The following OPCML variants were observed in gnomAD, a reference collection of about 807,000 sequenced individuals.
OPCML encodes the protein opioid-binding protein/cell adhesion molecule.
A neutral mutation model predicts 37.8 loss-of-function variants in OPCML; 13 were observed. That is an observed-to-expected ratio of 0.34 (90% CI 0.22 to 0.55). OPCML has a LOEUF of 0.55. OPCML is among the 20% of genes least tolerant of loss of function. The pLI is 0.91. For missense variants in OPCML, 341 were observed against 435.6 expected, an observed-to-expected ratio of 0.78 and a Z score of 1.93; for synonymous variants, 176 against 168.8, an observed-to-expected ratio of 1.04 and a Z score of -0.33.
intron 4 of OPCML, among the ~76,000 whole-genome samples, chr11:132,445,072 C>A (rs1400032705): frequency 6.6e-6 from 1 of 152,216 alleles, no homozygotes; most frequent in Non-Finnish European, 1.5e-5. Context: ...GCCACCAGGA[C>A]CTCCTCTGCG....
At position 132,416,077 on chromosome 11, in the gene OPCML, A is replaced by C. The variant is rs1313571435; in HGVS notation, c.*4116T>G. The C allele has an allele frequency of 2.0e-5, 3 of 152,554 alleles. No individual in the cohort carries two copies. Among genetic ancestry groups the C allele is most frequent in the Non-Finnish European group, 4.4e-5 (3 of 68,050 alleles). The allele number at this position is 152,554 out of a possible 1,614,324, so 9.5% of individuals were successfully genotyped here. ...GTTTCCAAGATAAGGTCACGTGCAAAATGAAAACAAAAGATTCTTGCTGTT... is the reference window on the plus strand; with the variant it reads ...GTTTCCAAGATAAGGTCACGTGCAACATGAAAACAAAAGATTCTTGCTGTT... On this transcript the variant is annotated 3_prime_UTR_variant, in exon 8 of 8. Transcript: ENST00000524381.
chr11:133,273,560 G>A (rs2136487250), intron 1 of OPCML, among the ~76,000 whole-genome samples: 1 of 151,462 alleles, frequency 6.6e-6, no homozygotes, highest in Admixed American at 6.6e-5. Flanking sequence ...GGAGACAGAA[G>A]CTTTTTTTTT....
chr11:132,638,186 T>TATATATATAGAGAGAG (rs71067383), intron 3 of OPCML, among the ~76,000 whole-genome samples: 3 of 131,020 alleles, frequency 2.3e-5, no homozygotes, highest in African/African-American at 8.3e-5. Flanking sequence ...TATATATATA[T>TATATATATAGAGAGAG]ACAGAGAGAG....
chr11:132,441,170 T>G (rs1320189726), intron 4 of OPCML, among the ~76,000 whole-genome samples: 66 of 113,546 alleles, frequency 5.8e-4, no homozygotes, highest in Admixed American at 1.6e-3. Flanking sequence ...TTTTTGTTTT[T>G]TTTTTTTTTT....
intron 4 of OPCML, among the ~76,000 whole-genome samples, chr11:132,503,026 A>T (rs1402854998): frequency 1.3e-5 from 2 of 152,216 alleles, no homozygotes; most frequent in Non-Finnish European, 2.9e-5. Context: ...CAAAAATGGT[A>T]GGTGACTTAT....
chr11:132,649,826 G>A (rs1463778972), intron 3 of OPCML, among the ~76,000 whole-genome samples: 1 of 152,020 alleles, frequency 6.6e-6, no homozygotes, highest in Non-Finnish European at 1.5e-5. Flanking sequence ...TTGTTGTGAG[G>A]AGAAATATGT....
chr11:132,565,922 A>G (rs1215838038), intron 3 of OPCML, among the ~76,000 whole-genome samples: 1 of 152,156 alleles, frequency 6.6e-6, no homozygotes. Context: ...AGTCCCAGCT[A>G]CTCGAGAGAC....
chr11:132,715,395 G>C (rs914218303), intron 2 of OPCML, among the ~76,000 whole-genome samples: 1 of 152,156 alleles, frequency 6.6e-6, no homozygotes, highest in African/African-American at 2.4e-5. Flanking sequence ...CTCTGAAACT[G>C]GGGAAATTTG....
chr11:132,587,509 C>T (rs544081487), intron 3 of OPCML, among the ~76,000 whole-genome samples: 21 of 152,286 alleles, frequency 1.4e-4, no homozygotes, highest in Admixed American at 2.0e-4. Flanking sequence ...TGCAAATGTG[C>T]CTCTCCCCCA....
chr11:132,586,806 T>A (rs1240923492), intron 3 of OPCML, among the ~76,000 whole-genome samples: 1 of 152,204 alleles, frequency 6.6e-6, no homozygotes, highest in South Asian at 2.1e-4. Context: ...CAGAGGTGTA[T>A]GATATCATGA....
chr11:132,532,651 C>T (rs759115998), intron 3 of OPCML, among the ~76,000 whole-genome samples: 4 of 152,068 alleles, frequency 2.6e-5, no homozygotes, highest in Non-Finnish European at 2.9e-5. Context: ...CATCCAGAAG[C>T]GTTCATGCAT....
intron 2 of OPCML, among the ~76,000 whole-genome samples, chr11:132,698,619 A>G (rs1943692991): frequency 6.6e-6 from 1 of 152,020 alleles, no homozygotes; most frequent in African/African-American, 2.4e-5. Context: ...TATTTGCTGT[A>G]TATGTCTTTT....
intron 1 of OPCML, among the ~76,000 whole-genome samples, chr11:133,199,596 T>A (rs1437736493): frequency 6.6e-6 from 1 of 152,122 alleles, no homozygotes; most frequent in Non-Finnish European, 1.5e-5. Flanking sequence ...TGTTAAGAAG[T>A]CTTGGTTCCA....
intron 2 of OPCML, among the ~76,000 whole-genome samples, chr11:132,715,556 TG>T (rs923229697): frequency 6.6e-6 from 1 of 152,010 alleles, no homozygotes; most frequent in African/African-American, 2.4e-5. Flanking sequence ...TTGGGAGGCA[TG>T]GGGGTGGGGT....
intron 3 of OPCML, among the ~76,000 whole-genome samples, chr11:132,638,428 C>A (rs149908597): frequency 1.3e-5 from 2 of 152,130 alleles, no homozygotes; most frequent in Admixed American, 1.3e-4. Flanking sequence ...GCAAGGATGA[C>A]AATAGCCTTT....
At chr11:132,525,064 C>A (rs1192505784) in intron 4 of OPCML, among the ~76,000 whole-genome samples, 1 of 152,192 alleles carries the variant, frequency 6.6e-6, no homozygotes, top group Non-Finnish European at 1.5e-5. Context: ...CTGAAACCTT[C>A]ACTCTTCAAC....
intron 2 of OPCML, among the ~76,000 whole-genome samples, chr11:132,685,825 G>A (rs541871408): frequency 1.5e-4 from 23 of 152,280 alleles, no homozygotes; most frequent in African/African-American, 5.3e-4. Context: ...ACAGGTCATC[G>A]AAATGGGAGG....
chr11:133,436,188 A>T (rs907228712), intron 1 of OPCML, among the ~76,000 whole-genome samples: 1 of 152,202 alleles, frequency 6.6e-6, no homozygotes, highest in Non-Finnish European at 1.5e-5. Context: ...ACAACAAAAT[A>T]CTATTTTGCT....
At chr11:133,108,164 A>C (rs936112682) in intron 1 of OPCML, among the ~76,000 whole-genome samples, 5 of 152,196 alleles carry the variant, frequency 3.3e-5, no homozygotes, top group African/African-American at 1.2e-4. Context: ...TTTCTTTTTT[A>C]AATTTTAGAA....
Sources: gnomAD v4.1 joint callset for allele counts (sites outside exome capture counted in the v4.1 genomes callset) on GRCh38, gnomAD v4.1.1 for gene constraint, MANE v1.5 for transcripts, NCBI Gene and HGNC (gene_info 2026-07-23, HGNC 2026-07-21) for gene names.